Variants in PRKDC observed in about 807,000 individuals in gnomAD.
PRKDC encodes DNA-dependent protein kinase catalytic subunit.
A neutral mutation model predicts 486.9 loss-of-function variants in PRKDC; 82 were observed. The ratio of observed to expected loss-of-function variants is 0.17; its 90% CI spans 0.14 to 0.20. PRKDC has a LOEUF of 0.20. Among genes scored for constraint, PRKDC ranks in the 10% least tolerant of loss-of-function variants. The pLI is 1.00. For synonymous variants in PRKDC, 1,895 were observed against 1,837.0 expected (o/e 1.03, Z -0.81); for missense variants, 4,504 against 5,038.2 (o/e 0.89, Z 3.21).
chr8:47,882,024 T>C lies in PRKDC; in HGVS notation c.4850A>G (p.Lys1617Arg), dbSNP rs1213040384. The change falls in exon 37 of 86, where the codon AAA becomes AGA. Residue 1617 changes from lysine to arginine, a missense_variant. Lys to Arg is a conservative substitution (Grantham distance 26). Coordinates refer to ENST00000314191, the MANE Select transcript of PRKDC (RefSeq NM_006904.7). ...ERANQKHQGL[K>R]LATTILQHWK... Reference sequence around the variant, plus strand: ...GTGTTGCAGAATTGTAGTCGCAAGTTTCAGTCCTTGGTGTTTCTGGTTTGC... The same window carrying C: ...GTGTTGCAGAATTGTAGTCGCAAGTCTCAGTCCTTGGTGTTTCTGGTTTGC... 1.2e-6 allele frequency: 2 copies of C among 1,614,030 alleles called. No homozygotes were observed. Among genetic ancestry groups the C allele is most frequent in the African/African-American group, 2.7e-5 (2 of 75,068 alleles).
At chr8:47,910,426 C>T (rs2089877382) in intron 25 of PRKDC, among the ~76,000 whole-genome samples, 1 of 152,076 alleles carries the variant, frequency 6.6e-6, no homozygotes, top group South Asian at 2.1e-4. Flanking sequence ...TTAAATGACC[C>T]ATTTCCCACT....
intron 76 of PRKDC, among the ~76,000 whole-genome samples, chr8:47,787,143 TA>T (rs1333236191): frequency 6.6e-6 from 1 of 152,154 alleles, no homozygotes; most frequent in East Asian, 1.9e-4. Flanking sequence ...TGATATCAAA[TA>T]AAAAATAAAT....
At position 47,773,562 on chromosome 8, in the gene PRKDC, C is replaced by G. The variant is rs1005874467; in HGVS notation, c.*611G>C. On this transcript the variant is annotated 3_prime_UTR_variant, in exon 86 of 86. Transcript: ENST00000314191. ...AATAAAGACGTTTCCTTCTAGAGAG[C>G]AAATCTATCATAAAATGTCAAAACT... 6.4e-5 allele frequency: 14 copies of G among 219,790 alleles called. No homozygotes were observed. The highest frequency in any genetic ancestry group is 1.2e-4 in the Non-Finnish European group (13 of 109,828). 13.6% of individuals were successfully genotyped at this position (219,790 alleles called of 1,614,324 possible). A position where few individuals can be genotyped will look rare whatever the true frequency, so the allele number is the denominator to read the frequency against.
At chr8:47,916,758 T>C (rs1036629889) in intron 22 of PRKDC, among the ~76,000 whole-genome samples, 12 of 152,220 alleles carry the variant, frequency 7.9e-5, no homozygotes, top group African/African-American at 2.9e-4. Context: ...TACGCAGGCC[T>C]GCTTCAGGTG....
At chr8:47,887,372 T>C (rs2154501729) in intron 35 of PRKDC, among the ~76,000 whole-genome samples, 175 bp downstream of exon 35, 1 of 152,294 alleles carries the variant, frequency 6.6e-6, no homozygotes, top group East Asian at 1.9e-4. Context: ...TTCCGTTCTT[T>C]TTTTTTTTAA....
chr8:47,814,410 G>C (rs528058774), intron 68 of PRKDC, among the ~76,000 whole-genome samples: 2 of 152,266 alleles, frequency 1.3e-5, no homozygotes, highest in African/African-American at 4.8e-5. Flanking sequence ...AGTTCAGAAA[G>C]AAAGAAAGGT....
intron 70 of PRKDC, among the ~76,000 whole-genome samples, chr8:47,801,661 C>A (rs559706155): frequency 1.3e-5 from 2 of 152,276 alleles, no homozygotes; most frequent in Admixed American, 1.3e-4. Flanking sequence ...CAGAGTAGAT[C>A]TTTAAATTGG....
At chr8:47,950,123 T>C (rs1398379260) in intron 7 of PRKDC, among the ~76,000 whole-genome samples, 1 of 151,072 alleles carries the variant, frequency 6.6e-6, no homozygotes, top group Admixed American at 6.6e-5. Context: ...AATACAAAAA[T>C]CCGCTGAGCA....
chr8:47,927,321 G>A lies in PRKDC; in HGVS notation c.2292C>T (p.Pro764=), dbSNP rs1338170764. ...MAFKLGLSYT[P]LAEVGLNALE... is the part of the protein sequence containing the mutation. ...GAGCATTCAGGCCTACTTCTGCCAAGGGGGTATAGCTCAGGCCCAGTTTGA... is the reference window on the plus strand; with the variant it reads ...GAGCATTCAGGCCTACTTCTGCCAAAGGGGTATAGCTCAGGCCCAGTTTGA... The change falls in exon 21 of 86, where the codon CCC becomes CCT. Residue 764 remains proline (P), a synonymous_variant. Coordinates refer to ENST00000314191, the MANE Select transcript of PRKDC (RefSeq NM_006904.7). 1.2e-6 allele frequency: 2 copies of A among 1,613,524 alleles called. No individual in the cohort carries two copies. Among genetic ancestry groups the A allele is most frequent in the Non-Finnish European group, 1.7e-6 (2 of 1,179,756 alleles).
At chr8:47,878,282 T>A (rs1441749132) in intron 39 of PRKDC, among the ~76,000 whole-genome samples, 5 of 152,112 alleles carry the variant, frequency 3.3e-5, no homozygotes, top group African/African-American at 7.2e-5. Context: ...ATTGTTTGTA[T>A]TTTTAGTAGA....
intron 68 of PRKDC, among the ~76,000 whole-genome samples, chr8:47,815,655 A>T (rs946440812): frequency 6.6e-6 from 1 of 152,242 alleles, no homozygotes; most frequent in African/African-American, 2.4e-5. Context: ...ATAAGTAAGT[A>T]AACAGAAGGA....
chr8:47,946,225 G>A (rs930316278), intron 7 of PRKDC, among the ~76,000 whole-genome samples: 2 of 152,036 alleles, frequency 1.3e-5, no homozygotes, highest in Admixed American at 6.5e-5. Context: ...CAGCTACTTG[G>A]TAGGCTGAGG....
At position 47,957,268 on chromosome 8, in the gene PRKDC, A is replaced by G. The variant is rs1187616214; in HGVS notation, c.232-5T>C. 6.3e-7 allele frequency: 1 copy of G among 1,589,526 alleles called. No individual in the cohort carries two copies. Among genetic ancestry groups the G allele is most frequent in the African/African-American group, 1.3e-5 (1 of 74,404 alleles). On this transcript the variant is annotated splice_polypyrimidine_tract_variant and splice_region_variant and intron_variant, in intron 2 of 85. Transcript: ENST00000314191. ...TTCTTCTCTACATTCACGAAACTGT[A>G]ATGAAAGAGATACATATTGTAAATA...
Position 47,953,612 on chromosome 8 carries a change from A to G in PRKDC, c.721+8T>C, listed in dbSNP as rs1419904245. 1 of 1,607,940 alleles carries G rather than the reference A, an allele frequency of 6.2e-7. No homozygotes were observed. The highest frequency in any genetic ancestry group is 1.3e-5 in the African/African-American group (1 of 74,968). On this transcript the variant is annotated splice_region_variant and intron_variant, in intron 7 of 85. Transcript: ENST00000314191. ...GAATAAAGAAAATCAAGTGAAGCCA[A>G]GCAATACCTTCTTCCATGGACTTAG...
intron 50 of PRKDC, among the ~76,000 whole-genome samples, chr8:47,854,714 A>T (rs372747279): frequency 4.3e-4 from 65 of 152,292 alleles, no homozygotes; most frequent in African/African-American, 1.5e-3. Context: ...CCCCAGGTCT[A>T]GCTTTGACTT....
chr8:47,793,974 C>T (rs1307104537), intron 74 of PRKDC, among the ~76,000 whole-genome samples: 1 of 152,156 alleles, frequency 6.6e-6, no homozygotes, highest in East Asian at 1.9e-4. Flanking sequence ...AAGAGTCGTT[C>T]TGTGTATTTT....
At chr8:47,888,978 G>A in intron 33 of PRKDC, 36 bp downstream of exon 33, 2 of 1,588,812 alleles carry the variant, frequency 1.3e-6, no homozygotes, top group Middle Eastern at 3.6e-4. Flanking sequence ...TGAAATTCCA[G>A]GACAACATGT....
At chr8:47,914,458 C>T (rs1187964507) in intron 23 of PRKDC, among the ~76,000 whole-genome samples, 2 of 152,136 alleles carry the variant, frequency 1.3e-5, no homozygotes, top group Non-Finnish European at 1.5e-5. Context: ...CACCAAATTT[C>T]AAAAGTAAAA....
chr8:47,850,720 G>A (rs1017750995), intron 52 of PRKDC, among the ~76,000 whole-genome samples: 2 of 152,220 alleles, frequency 1.3e-5, no homozygotes, highest in African/African-American at 2.4e-5. Context: ...TTATAAAACA[G>A]TATGAATAAC....
Sources: gnomAD v4.1 joint callset for allele counts (sites outside exome capture counted in the v4.1 genomes callset) on GRCh38, gnomAD v4.1.1 for gene constraint, MANE v1.5 for transcripts, NCBI Gene and HGNC (gene_info 2026-07-23, HGNC 2026-07-21) for gene names.